The following KPNA6 variants were observed in gnomAD, a reference collection of about 807,000 sequenced individuals.
KPNA6 encodes the protein karyopherin subunit alpha 6.
KPNA6 carries 9 observed loss-of-function variants against 72.0 expected under a neutral mutation model. The observed-to-expected ratio is 0.13, with a 90% CI of 0.08 to 0.22. The LOEUF is 0.22. Ranked by LOEUF, KPNA6 falls within the 10% of genes least tolerant of loss-of-function variation. The pLI, the probability that KPNA6 is intolerant of heterozygous loss-of-function variation, is 1.00. For missense variants in KPNA6, 374 were observed against 655.7 expected, an observed-to-expected ratio of 0.57 and a Z score of 4.69; for synonymous variants, 219 against 242.1, an observed-to-expected ratio of 0.90 and a Z score of 0.89.
At chr1:32,136,231 C>T (rs1641734177) in intron 1 of KPNA6, among the ~76,000 whole-genome samples, 1 of 149,584 alleles carries the variant, frequency 6.7e-6, no homozygotes, top group Non-Finnish European at 1.5e-5. Context: ...GGCTGGAGTG[C>T]AAGGGCGTGA....
At chr1:32,126,175 C>T (rs1000414069) in intron 1 of KPNA6, among the ~76,000 whole-genome samples, 4 of 151,572 alleles carry the variant, frequency 2.6e-5, no homozygotes, top group Non-Finnish European at 5.9e-5. Context: ...TATGAGCCAT[C>T]GTGCCTGGCC....
At chr1:32,136,798 A>G (rs1002501520) in intron 1 of KPNA6, among the ~76,000 whole-genome samples, 15 of 152,218 alleles carry the variant, frequency 9.9e-5, no homozygotes, top group Non-Finnish European at 1.8e-4. Flanking sequence ...TTCCTCCCCA[A>G]TTCATTACAT....
At position 32,169,917 on chromosome 1, in the gene KPNA6, G is replaced by C. The variant is rs1212513529; in HGVS notation, c.1280G>C (p.Cys427Ser). The change falls in exon 13 of 14, where the codon TGT becomes TCT. Residue 427 changes from cysteine to serine, a missense_variant. Coordinates refer to ENST00000373625, the MANE Select transcript of KPNA6 (RefSeq NM_012316.5). ...LVSLGCIKPL[C>S]DLLTVMDSKI... ...TCACTGGGCTGCATCAAACCCCTAT[G>C]TGACTTGCTGACTGTAATGGATTCG... The C allele has an allele frequency of 6.2e-7, 1 of 1,613,978 alleles. No homozygotes were observed. Among genetic ancestry groups the C allele is most frequent in the Non-Finnish European group, 8.5e-7 (1 of 1,180,036 alleles).
intron 1 of KPNA6, among the ~76,000 whole-genome samples, chr1:32,144,984 A>T (rs1373930483): frequency 7.1e-6 from 1 of 140,876 alleles, no homozygotes; most frequent in Non-Finnish European, 1.5e-5. Flanking sequence ...ATGGAATCTC[A>T]CACTGTCGCC....
intron 1 of KPNA6, among the ~76,000 whole-genome samples, chr1:32,118,970 A>ATGTG (rs749379355): frequency 1.6e-4 from 21 of 127,354 alleles, no homozygotes; most frequent in South Asian, 5.6e-4. Flanking sequence ...CAAGCCATAT[A>ATGTG]TATGTGTGTG....
At position 32,175,472 on chromosome 1, in the gene KPNA6, C is replaced by CT. The variant is rs1186805441; in HGVS notation, c.*4579dup. ...CCTAACACTGGCTGGGAACCTCTGA[C>CT]TCAGAGCATGTCTTTAAAGAGTCCA... is the stretch of plus-strand genomic sequence containing the variant. On this transcript the variant is annotated 3_prime_UTR_variant, in exon 14 of 14. Coordinates refer to ENST00000373625, the MANE Select transcript of KPNA6 (RefSeq NM_012316.5). 1 of 152,252 alleles carries CT rather than the reference C, an allele frequency of 6.6e-6. No homozygotes were observed. Among genetic ancestry groups the CT allele is most frequent in the African/African-American group, 2.4e-5 (1 of 41,434 alleles). 9.4% of individuals were successfully genotyped at this position (152,252 alleles called of 1,614,324 possible).
intron 1 of KPNA6, among the ~76,000 whole-genome samples, chr1:32,139,285 A>C (rs1349548314): frequency 6.6e-6 from 1 of 152,150 alleles, no homozygotes; most frequent in Admixed American, 6.6e-5. Flanking sequence ...TTCTGACAAA[A>C]ATAGGGTAAC....
chr1:32,158,477 A>C lies in KPNA6; in HGVS notation c.426+116A>C, dbSNP rs1642183507. ...TTGACACAGGCATGCAATTTGAAAT[A>C]AGCAAATCATGGAGAATGGGGTATC... On this transcript the variant is annotated intron_variant, in intron 5 of 13. Coordinates refer to ENST00000373625, the MANE Select transcript of KPNA6 (RefSeq NM_012316.5). 2.9e-5 allele frequency: 18 copies of C among 617,738 alleles called. No homozygotes were observed. The South Asian group carries it at 3.7e-4, about 13-fold the overall frequency. 38.3% of individuals were successfully genotyped at this position (617,738 alleles called of 1,614,324 possible). A position where few individuals can be genotyped will look rare whatever the true frequency, so the allele number is the denominator to read the frequency against.
At chr1:32,145,755 T>C (rs1406967830) in intron 1 of KPNA6, among the ~76,000 whole-genome samples, 2 of 152,256 alleles carry the variant, frequency 1.3e-5, no homozygotes, top group Non-Finnish European at 2.9e-5. Flanking sequence ...GGTTTATTTC[T>C]GGACTCTCAA....
intron 10 of KPNA6, among the ~76,000 whole-genome samples, chr1:32,165,061 G>A (rs1475536855): frequency 6.6e-6 from 1 of 151,940 alleles, no homozygotes; most frequent in Non-Finnish European, 1.5e-5. Context: ...ATCATGCCTA[G>A]CTAATTTTTT....
At position 32,173,221 on chromosome 1, in the gene KPNA6, T is replaced by C. The variant is rs1375026615; in HGVS notation, c.*2327T>C. 2 of 387,488 alleles carry C rather than the reference T, an allele frequency of 5.2e-6. No individual in the cohort carries two copies. Among genetic ancestry groups the C allele is most frequent in the Non-Finnish European group, 9.0e-6 (2 of 221,544 alleles). 24.0% of individuals were successfully genotyped at this position (387,488 alleles called of 1,614,324 possible). A position where few individuals can be genotyped will look rare whatever the true frequency, so the allele number is the denominator to read the frequency against. On this transcript the variant is annotated 3_prime_UTR_variant, in exon 14 of 14. Coordinates refer to ENST00000373625, the MANE Select transcript of KPNA6 (RefSeq NM_012316.5). ...CCTTCCCCTACCCAACCTCCGCCCA[T>C]TGTTCTCTTCCAAAGGGCAATTTAG... is the stretch of plus-strand genomic sequence containing the variant.
chr1:32,164,229 T>C (rs916434098), intron 10 of KPNA6, among the ~76,000 whole-genome samples: 5 of 152,226 alleles, frequency 3.3e-5, no homozygotes, highest in African/African-American at 1.2e-4. Context: ...GTAGCATGCA[T>C]CAGAACTCCT....
At chr1:32,150,739 G>C (rs1390526181) in intron 1 of KPNA6, among the ~76,000 whole-genome samples, 2 of 151,432 alleles carry the variant, frequency 1.3e-5, no homozygotes, top group Non-Finnish European at 3.0e-5. Context: ...TGATTCTCCT[G>C]CCTCAGCCTC....
At chr1:32,145,323 T>A (rs1367289118) in intron 1 of KPNA6, among the ~76,000 whole-genome samples, 1 of 150,966 alleles carries the variant, frequency 6.6e-6, no homozygotes, top group Non-Finnish European at 1.5e-5. Context: ...TTTTGATTTG[T>A]ATTTCTTTTT....
intron 1 of KPNA6, among the ~76,000 whole-genome samples, chr1:32,145,002 A>G (rs1314489891): frequency 9.7e-5 from 14 of 144,900 alleles, no homozygotes; most frequent in African/African-American, 3.1e-4. Flanking sequence ...GCCCAGGCTG[A>G]AGTGCAGTGG....
intron 1 of KPNA6, among the ~76,000 whole-genome samples, chr1:32,118,878 G>A (rs911933406): frequency 1.3e-4 from 19 of 150,498 alleles, no homozygotes; most frequent in Non-Finnish European, 2.4e-4. Context: ...ATTTTAGCTC[G>A]GTGCTTAGCA....
At chr1:32,167,052 A>G in intron 11 of KPNA6, 117 bp from the exon 12 acceptor site, 1 of 1,355,440 alleles carries the variant, frequency 7.4e-7, no homozygotes, top group Non-Finnish European at 1.0e-6. Flanking sequence ...GGAAGAACAA[A>G]AGAAAACTCC....
In KPNA6 at chr1:32,176,493, G is replaced by T. The variant is rs1642529436; in HGVS notation, c.*5599G>T. ...TTATATACACATCCAAATTTGAAGAGAAAATGTATTTCTTTAGGTTTCAAA... is the reference window on the plus strand; with the variant it reads ...TTATATACACATCCAAATTTGAAGATAAAATGTATTTCTTTAGGTTTCAAA... On this transcript the variant is annotated 3_prime_UTR_variant, in exon 14 of 14. Transcript: ENST00000373625. The T allele has an allele frequency of 6.6e-6, 1 of 152,342 alleles. No homozygotes were observed. Among genetic ancestry groups the T allele is most frequent in the South Asian group, 2.1e-4 (1 of 4,836 alleles). The allele number at this position is 152,342 out of a possible 1,614,324, so 9.4% of individuals were successfully genotyped here. A position where few individuals can be genotyped will look rare whatever the true frequency, so the allele number is the denominator to read the frequency against.
chr1:32,167,083 A>T, intron 11 of KPNA6, 86 bp from the exon 12 acceptor site: 3 of 1,505,560 alleles, frequency 2.0e-6, no homozygotes, highest in South Asian at 2.4e-5. Context: ...AAGATGTCTA[A>T]GTCTCAGCTG....
Sources: gnomAD v4.1 joint callset for allele counts (sites outside exome capture counted in the v4.1 genomes callset) on GRCh38, gnomAD v4.1.1 for gene constraint, MANE v1.5 for transcripts, NCBI Gene and HGNC (gene_info 2026-07-23, HGNC 2026-07-21) for gene names.